Variants in VPS13B observed in about 807,000 individuals in gnomAD.
VPS13B encodes the protein intermembrane lipid transfer protein VPS13B.
In VPS13B, 285 loss-of-function variants were observed where a neutral mutation model predicts 426.4. That is an observed-to-expected ratio of 0.67 (90% CI 0.61 to 0.74). VPS13B has a LOEUF of 0.74. VPS13B is among the 30% of genes least tolerant of loss of function. VPS13B has a pLI of 0.00. For synonymous variants in VPS13B, 1,676 were observed against 1,676.4 expected (o/e 1.00, Z 0.01); for missense variants, 4,537 against 4,782.6 (o/e 0.95, Z 1.51).
In VPS13B at chr8:99,720,432, G is replaced by A; in HGVS notation, c.6745G>A (p.Val2249Ile). 1.2e-6 allele frequency: 2 copies of A among 1,613,990 alleles called. No homozygotes were observed. Among genetic ancestry groups the A allele is most frequent in the Non-Finnish European group, 1.7e-6 (2 of 1,179,922 alleles). Residue 2249 changes from valine (V) to isoleucine (I), a missense_variant, in exon 38 of 62, where the codon GTA becomes ATA. Around this residue, in one of 2 missense-constraint regions of VPS13B, gnomAD observed 4,311 missense variants for 4,474.3 expected, o/e 0.96. Coordinates refer to ENST00000357162, the MANE Select transcript of VPS13B (RefSeq NM_152564.5). ...GYLNEEGNFE[V>I]QVSEPVPQMS... ...CCTTAATGAGGAGGGAAATTTTGAA[G>A]TACAAGTTTCTGAACCAGTGCCTCA...
At chr8:99,259,650 C>T (rs1255200854) in intron 17 of VPS13B, among the ~76,000 whole-genome samples, 1 of 152,088 alleles carries the variant, frequency 6.6e-6, no homozygotes, top group Non-Finnish European at 1.5e-5. Context: ...TTTGTAACCA[C>T]AACTCTGTCC....
At chr8:99,639,301 T>G (rs1160861562) in intron 33 of VPS13B, among the ~76,000 whole-genome samples, 1 of 152,092 alleles carries the variant, frequency 6.6e-6, no homozygotes, top group Admixed American at 6.6e-5. Context: ...ACTACTAAGA[T>G]CACCAAGAAG....
At chr8:99,280,067 C>T (rs1264896088) in intron 19 of VPS13B, among the ~76,000 whole-genome samples, 2 of 152,198 alleles carry the variant, frequency 1.3e-5, no homozygotes, top group Admixed American at 1.3e-4. Flanking sequence ...TCGCACCAGG[C>T]CCATCATTTC....
At chr8:99,805,952 T>C (rs745654164) in intron 43 of VPS13B, among the ~76,000 whole-genome samples, 2 of 152,168 alleles carry the variant, frequency 1.3e-5, no homozygotes, top group Non-Finnish European at 1.5e-5. Flanking sequence ...AATTTCCAAA[T>C]TGATAAAAGA....
intron 36 of VPS13B, among the ~76,000 whole-genome samples, chr8:99,712,652 TG>T: frequency 6.6e-6 from 1 of 152,104 alleles, no homozygotes; most frequent in South Asian, 2.1e-4. Context: ...CAAATGTTTG[TG>T]TGATCATTGG....
Position 99,072,362 on chromosome 8 carries a change from T to C in VPS13B, c.292-23950T>C, listed in dbSNP as rs1587997191. Among the ~76,000 whole-genome samples the C allele has an allele frequency of 3.9e-5, 6 of 152,288 alleles. No individual in the cohort carries two copies. The South Asian group carries it at 1.2e-3, about 32-fold the overall frequency. ...GGTTTTCTTCTGGCCCAGGATGGTC[T>C]AGCAATGTTATCTGGCAGCTAGGGC... On this transcript the variant is annotated intron_variant, in intron 3 of 61. Coordinates refer to ENST00000357162, the MANE Select transcript of VPS13B (RefSeq NM_152564.5).
intron 35 of VPS13B, among the ~76,000 whole-genome samples, chr8:99,671,491 A>G (rs1303919665): frequency 6.6e-6 from 1 of 151,916 alleles, no homozygotes; most frequent in African/African-American, 2.4e-5. Context: ...TTGTAATCCT[A>G]TTTTTGCTTT....
Position 99,507,135 on chromosome 8 carries a change from A to G in VPS13B, c.4158-2A>G. The G allele has an allele frequency of 6.2e-6, 10 of 1,614,000 alleles. No homozygotes were observed. The highest frequency in any genetic ancestry group is 8.5e-6 in the Non-Finnish European group (10 of 1,179,898). ...CAGATAAGGTGAACTTATGTTTTCC[A>G]GGCCAGGGGAAGGTTGGCAGTCAGG... On this transcript the variant is annotated splice_acceptor_variant, in intron 27 of 61. Transcript: ENST00000357162. LOFTEE classifies it high-confidence loss of function.
chr8:99,208,109 G>T (rs1219067400), intron 17 of VPS13B, among the ~76,000 whole-genome samples: 1 of 152,188 alleles, frequency 6.6e-6, no homozygotes, highest in Non-Finnish European at 1.5e-5. Context: ...AATCATGTTG[G>T]AAGGCAAAGC....
intron 19 of VPS13B, among the ~76,000 whole-genome samples, chr8:99,318,285 A>T (rs1476557063): frequency 6.6e-6 from 1 of 152,238 alleles, no homozygotes; most frequent in Non-Finnish European, 1.5e-5. Flanking sequence ...TATTCTATAA[A>T]CAAATATTCA....
chr8:99,721,057 G>T lies in VPS13B; in HGVS notation c.7050+10G>T. ...TGGTGATGTGCTACAGGTATGTAAT[G>T]ACCATTCATTGTAAAATGAAAACAT... On this transcript the variant is annotated intron_variant, in intron 39 of 61. Transcript: ENST00000357162. 4 of 1,613,568 alleles carry T rather than the reference G, an allele frequency of 2.5e-6. No individual in the cohort carries two copies. Among genetic ancestry groups the T allele is most frequent in the South Asian group, 2.2e-5 (2 of 90,990 alleles).
intron 17 of VPS13B, among the ~76,000 whole-genome samples, chr8:99,232,616 G>T (rs1443039167): frequency 6.6e-6 from 1 of 152,172 alleles, no homozygotes; most frequent in African/African-American, 2.4e-5. Flanking sequence ...TGCGTAACCC[G>T]CAGGCCACGT....
At chr8:99,540,474 A>G (rs996397196) in intron 30 of VPS13B, among the ~76,000 whole-genome samples, 1 of 152,164 alleles carries the variant, frequency 6.6e-6, no homozygotes, top group Non-Finnish European at 1.5e-5. Flanking sequence ...TTTTTGTAGC[A>G]TCTCTTTCAC....
chr8:99,469,124 C>A (rs1005856435), intron 24 of VPS13B, among the ~76,000 whole-genome samples: 1 of 151,194 alleles, frequency 6.6e-6, no homozygotes, highest in African/African-American at 2.4e-5. Context: ...CTTAAGAACT[C>A]ATCTTCCACT....
chr8:99,413,193 T>G (rs1387817863), intron 21 of VPS13B, among the ~76,000 whole-genome samples: 1 of 151,950 alleles, frequency 6.6e-6, no homozygotes, highest in Non-Finnish European at 1.5e-5. Context: ...GGTCCTGGGT[T>G]TTTTTTTGTT....
intron 2 of VPS13B, among the ~76,000 whole-genome samples, chr8:99,029,080 C>G (rs1461598991): frequency 6.7e-6 from 1 of 148,448 alleles, no homozygotes; most frequent in African/African-American, 2.5e-5. Flanking sequence ...CGGGCAGAGA[C>G]GCTCCTCACC....
At chr8:99,522,705 C>G (rs1822433445) in intron 30 of VPS13B, among the ~76,000 whole-genome samples, 1 of 152,080 alleles carries the variant, frequency 6.6e-6, no homozygotes, top group Admixed American at 6.6e-5. Context: ...GTTAGAATGT[C>G]AAATGTAAAA....
chr8:99,743,353 C>T (rs1369460629), intron 39 of VPS13B, among the ~76,000 whole-genome samples: 2 of 151,878 alleles, frequency 1.3e-5, no homozygotes, highest in Admixed American at 1.3e-4. Flanking sequence ...ACATTCCATG[C>T]TCATGGGTAG....
At chr8:99,568,008 T>G (rs938892526) in intron 31 of VPS13B, among the ~76,000 whole-genome samples, 11 of 152,142 alleles carry the variant, frequency 7.2e-5, no homozygotes, top group Non-Finnish European at 1.6e-4. Context: ...AAATGAGCTA[T>G]CTGTTCAAAT....
Sources: allele counts gnomAD v4.1 joint callset (sites outside exome capture counted in the v4.1 genomes callset), GRCh38; gene constraint gnomAD v4.1.1; regional missense constraint gnomAD v4.1.1; transcripts MANE v1.5; gene names NCBI Gene and HGNC (gene_info 2026-07-23, HGNC 2026-07-21).